Variants in FBXO45 observed in about 807,000 individuals in gnomAD.
FBXO45 encodes the protein F-box protein 45.
FBXO45 carries 3 observed loss-of-function variants against 25.5 expected under a neutral mutation model. The ratio of observed to expected loss-of-function variants is 0.12; its 90% CI spans 0.05 to 0.30. FBXO45 has a LOEUF of 0.30. Among genes scored for constraint, FBXO45 ranks in the 10% least tolerant of loss-of-function variants. The pLI is 1.00. For missense variants in FBXO45, 219 were observed against 365.0 expected (o/e 0.60, Z 3.26); for synonymous variants, 155 against 149.8 (o/e 1.03, Z -0.25).
rs1169816394 is a variant in FBXO45 at position 196,585,420 on chromosome 3, T to G, written c.*1102T>G. 6.6e-6 allele frequency: 1 copy of G among 152,212 alleles called. No individual in the cohort carries two copies. The highest frequency in any genetic ancestry group is 1.5e-5 in the Non-Finnish European group (1 of 68,032). 9.4% of individuals were successfully genotyped at this position (152,212 alleles called of 1,614,324 possible). A position where few individuals can be genotyped will look rare whatever the true frequency, so the allele number is the denominator to read the frequency against. ...AAAAAAATTTTAATTTCATATTGTT[T>G]ACATCATGCAACTAATCTAAGCCTC... On this transcript the variant is annotated 3_prime_UTR_variant, in exon 3 of 3. Transcript: ENST00000311630.
Position 196,569,192 on chromosome 3 carries a change from C to G in FBXO45, c.208C>G (p.Leu70Val), listed in dbSNP as rs367785550. 16 of 1,567,272 alleles carry G rather than the reference C, an allele frequency of 1.0e-5. No homozygotes were observed. The African/African-American group carries it at 1.6e-4, about 16-fold the overall frequency. ...GGTGTGCAAGCACTGGTACCGCTGC[C>G]TGCACGGCGATGAGAACAGCGAGGT... is the stretch of plus-strand genomic sequence containing the variant. ...ALVCKHWYRC[L>V]HGDENSEVWR... Residue 70 changes from leucine (L) to valine (V), a missense_variant, in exon 1 of 3, where the codon CTG (leucine) becomes GTG (valine). Physicochemically the swap from Leu to Val is conservative, Grantham distance 32. Transcript: ENST00000311630. This position sits in a 1 kb window ranked among gnomAD's most constrained non-coding sequence, Gnocchi z 4.1.
intron 2 of FBXO45, among the ~76,000 whole-genome samples, chr3:196,583,632 TAAAC>T (rs1736055756): frequency 6.6e-6 from 1 of 152,198 alleles, no homozygotes; most frequent in African/African-American, 2.4e-5. Flanking sequence ...GAAAAACCTT[TAAAC>T]AAAGAGTAAA....
intron 2 of FBXO45, among the ~76,000 whole-genome samples, chr3:196,578,722 A>G (rs1735959550): frequency 6.6e-6 from 1 of 152,158 alleles, no homozygotes; most frequent in Admixed American, 6.5e-5. Flanking sequence ...CACAGCCTGC[A>G]TGCAGCCCAA....
intron 1 of FBXO45, among the ~76,000 whole-genome samples, chr3:196,573,579 T>C (rs1560316887): frequency 6.6e-6 from 1 of 152,092 alleles, no homozygotes; most frequent in East Asian, 1.9e-4. Context: ...TAGAAAACAA[T>C]ATACATAGGT....
intron 2 of FBXO45, among the ~76,000 whole-genome samples, chr3:196,582,068 C>A (rs771320803): frequency 6.6e-6 from 1 of 152,118 alleles, no homozygotes; most frequent in Non-Finnish European, 1.5e-5. Flanking sequence ...TTCTGGAGTT[C>A]CTCCTCTAAG....
intron 2 of FBXO45, among the ~76,000 whole-genome samples, chr3:196,583,775 C>G (rs925430801): frequency 6.6e-6 from 1 of 152,090 alleles, no homozygotes; most frequent in Admixed American, 6.5e-5. Flanking sequence ...GGCTGGAGTG[C>G]AGTGGGCAGT....
In FBXO45 at chr3:196,588,880, C is replaced by T. The variant is rs1031762879; in HGVS notation, c.*4562C>T. The T allele has an allele frequency of 3.9e-5, 6 of 152,282 alleles. No individual in the cohort carries two copies. Among genetic ancestry groups the T allele is most frequent in the South Asian group, 2.1e-4 (1 of 4,826 alleles). 9.4% of individuals were successfully genotyped at this position (152,282 alleles called of 1,614,324 possible). ...GAAGCAGGAAGGAAAGGGTTGCAAA[C>T]TTGAGGCTGGTAAGGAAGAAATAAT... On this transcript the variant is annotated 3_prime_UTR_variant, in exon 3 of 3. Coordinates refer to ENST00000311630, the MANE Select transcript of FBXO45 (RefSeq NM_001105573.2). This position sits in a 1 kb window ranked among gnomAD's most constrained non-coding sequence, Gnocchi z 4.2.
intron 2 of FBXO45, 103 bp downstream of exon 2, chr3:196,577,912 AATTTTT>A (rs1311415807): frequency 1.5e-6 from 1 of 662,842 alleles, no homozygotes; most frequent in Non-Finnish European, 2.2e-6. Flanking sequence ...TCTTTTTGGT[AATTTTT>A]ATTTTTATTA....
rs1214975925 is a variant in FBXO45, at chr3:196,584,792, C to G, written c.*474C>G. ...TTAATATTTTTAATATATTGAGAAG[C>G]ATGGTCTGCCTGGACTGCACTTCTC... is the stretch of plus-strand genomic sequence containing the variant. On this transcript the variant is annotated 3_prime_UTR_variant, in exon 3 of 3. Coordinates refer to ENST00000311630, the MANE Select transcript of FBXO45 (RefSeq NM_001105573.2). The surrounding 1 kb of genome is among the most constrained non-coding windows in gnomAD (Gnocchi z 4.3). The G allele has an allele frequency of 6.6e-6, 1 of 151,934 alleles. No homozygotes were observed. The highest frequency in any genetic ancestry group is 2.4e-5 in the African/African-American group (1 of 41,404). 9.4% of individuals were successfully genotyped at this position (151,934 alleles called of 1,614,324 possible).
chr3:196,576,058 T>C (rs1040068650), intron 1 of FBXO45, among the ~76,000 whole-genome samples: 3 of 152,244 alleles, frequency 2.0e-5, no homozygotes, highest in African/African-American at 7.2e-5. Context: ...ACATTGGGAA[T>C]GCCTCAGTTT....
chr3:196,576,812 G>A (rs541206835), intron 1 of FBXO45, among the ~76,000 whole-genome samples: 101 of 152,246 alleles, frequency 6.6e-4, no homozygotes, highest in Middle Eastern at 6.8e-3. Flanking sequence ...CAGCAAGTAG[G>A]CTGAGGATCT....
chr3:196,584,040 T>A lies in FBXO45; in HGVS notation c.676-93T>A. ...TTTCTAGATAGCTTTCAGGATAATA[T>A]TCTTAATATTTTCAACTTCTTGATT... On this transcript the variant is annotated intron_variant, in intron 2 of 2. Transcript: ENST00000311630. This position sits in a 1 kb window ranked among gnomAD's most constrained non-coding sequence, Gnocchi z 4.3. The A allele has an allele frequency of 8.4e-7, 1 of 1,186,540 alleles. No individual in the cohort carries two copies. The highest frequency in any genetic ancestry group is 2.4e-5 in the East Asian group (1 of 41,870). The allele number at this position is 1,186,540 out of a possible 1,614,324, so 73.5% of individuals were successfully genotyped here. A position where few individuals can be genotyped will look rare whatever the true frequency, so the allele number is the denominator to read the frequency against.
intron 2 of FBXO45, among the ~76,000 whole-genome samples, chr3:196,578,046 C>CTTTTTTTTTTT (rs775555553): frequency 0.015 from 1,433 of 93,882 alleles, 179 homozygotes; most frequent in African/African-American, 0.054. Flanking sequence ...GAAAAATATT[C>CTTTTTTTTTTT]TTTTTTTTTT....
Position 196,569,101 on chromosome 3 carries a change from G to A in FBXO45, c.117G>A (p.Leu39=). 1 of 1,501,108 alleles carries A rather than the reference G, an allele frequency of 6.7e-7. No individual in the cohort carries two copies. The allele number at this position is 1,501,108 out of a possible 1,614,324, so 93.0% of individuals were successfully genotyped here. The change falls in exon 1 of 3, where the codon CTG becomes CTA. Residue 39 remains leucine, a synonymous_variant. Coordinates refer to ENST00000311630, the MANE Select transcript of FBXO45 (RefSeq NM_001105573.2). This position sits in a 1 kb window ranked among gnomAD's most constrained non-coding sequence, Gnocchi z 4.1. ...GSGAAGAGGR[L]PSRVLELVFS... The stretch of plus-strand genomic sequence containing the variant: ...GGGCCGCGGGGGCCGGGGGCCGGCT[G>A]CCCAGCCGGGTGCTGGAGTTGGTGT...
rs1735759731 is a variant in FBXO45 at position 196,569,849 on chromosome 3, C to G, written c.318+547C>G. Among the ~76,000 whole-genome samples, 1 of 152,196 alleles carries G rather than the reference C, an allele frequency of 6.6e-6. No individual in the cohort carries two copies. Among genetic ancestry groups the G allele is most frequent in the South Asian group, 2.1e-4 (1 of 4,828 alleles). ...TACAAGTGAGTGTAGTTCTAGTCATCCTGCTCACTTACAAGATACAGGCTT... is the reference window on the plus strand; with the variant it reads ...TACAAGTGAGTGTAGTTCTAGTCATGCTGCTCACTTACAAGATACAGGCTT... On this transcript the variant is annotated intron_variant, in intron 1 of 2. Coordinates refer to ENST00000311630, the MANE Select transcript of FBXO45 (RefSeq NM_001105573.2). This position sits in a 1 kb window ranked among gnomAD's most constrained non-coding sequence, Gnocchi z 4.1.
intron 2 of FBXO45, among the ~76,000 whole-genome samples, chr3:196,578,178 A>G (rs1341390624): frequency 6.6e-6 from 1 of 151,024 alleles, no homozygotes; most frequent in Admixed American, 6.6e-5. Context: ...TTGGGATTAC[A>G]GGCGCCCACC....
rs1735740839 is a variant in FBXO45 at position 196,569,444 on chromosome 3, T to TG, written c.318+142_318+143insG. On this transcript the variant is annotated intron_variant, in intron 1 of 2. Transcript: ENST00000311630. This position sits in a 1 kb window ranked among gnomAD's most constrained non-coding sequence, Gnocchi z 4.1. ...GGCTCCAGTCAGTATCTTCCTCACC[T>TG]CCCCCCAAGATAAAGATTCTCTTTT... 1.4e-6 allele frequency: 1 copy of TG among 718,402 alleles called. No homozygotes were observed. The allele number at this position is 718,402 out of a possible 1,614,324, so 44.5% of individuals were successfully genotyped here. A position where few individuals can be genotyped will look rare whatever the true frequency, so the allele number is the denominator to read the frequency against.
rs1736061834 is a variant in FBXO45, at chr3:196,584,010, T to C, written c.676-123T>C. The C allele has an allele frequency of 2.1e-6, 2 of 935,432 alleles. No individual in the cohort carries two copies. The highest frequency in any genetic ancestry group is 1.7e-5 in the African/African-American group (1 of 59,224). 57.9% of individuals were successfully genotyped at this position (935,432 alleles called of 1,614,324 possible). A position where few individuals can be genotyped will look rare whatever the true frequency, so the allele number is the denominator to read the frequency against. On this transcript the variant is annotated intron_variant, in intron 2 of 2. Coordinates refer to ENST00000311630, the MANE Select transcript of FBXO45 (RefSeq NM_001105573.2). The surrounding 1 kb of genome is among the most constrained non-coding windows in gnomAD (Gnocchi z 4.3). Reference sequence around the variant, plus strand: ...CTTCCTGACTAGAAAGCTTCCCTTCTGATTTTTCTAGATAGCTTTCAGGAT... The same window carrying C: ...CTTCCTGACTAGAAAGCTTCCCTTCCGATTTTTCTAGATAGCTTTCAGGAT...
Position 196,585,077 on chromosome 3 carries a change from G to T in FBXO45, c.*759G>T, listed in dbSNP as rs954669816. On this transcript the variant is annotated 3_prime_UTR_variant, in exon 3 of 3. Transcript: ENST00000311630. The stretch of plus-strand genomic sequence containing the variant: ...TGGCTTACAGTTCCCATAGCTGTTA[G>T]AGTCTGGTTTGTTTTTGTTTTTACT... The T allele has an allele frequency of 2.0e-5, 3 of 152,166 alleles. No homozygotes were observed. The highest frequency in any genetic ancestry group is 4.8e-5 in the African/African-American group (2 of 41,440). 9.4% of individuals were successfully genotyped at this position (152,166 alleles called of 1,614,324 possible). A position where few individuals can be genotyped will look rare whatever the true frequency, so the allele number is the denominator to read the frequency against.
Sources: gnomAD v4.1 joint callset for allele counts (sites outside exome capture counted in the v4.1 genomes callset) on GRCh38, gnomAD v4.1.1 for gene constraint, Gnocchi (gnomAD v3.1) non-coding constraint, MANE v1.5 for transcripts, NCBI Gene and HGNC (gene_info 2026-07-23, HGNC 2026-07-21) for gene names.